INSYN1: variants seen among roughly 807,000 people sequenced by gnomAD.
INSYN1 encodes the protein UPF0583 protein C15orf59.
A neutral mutation model predicts 17.1 loss-of-function variants in INSYN1; 7 were observed. The ratio of observed to expected loss-of-function variants is 0.41; its 90% CI spans 0.23 to 0.77. INSYN1 has a LOEUF of 0.77. Ranked by LOEUF, INSYN1 falls within the 30% of genes least tolerant of loss-of-function variation. The pLI, the probability that INSYN1 is intolerant of heterozygous loss-of-function variation, is 0.32. For synonymous variants in INSYN1, 174 were observed against 166.3 expected (o/e 1.05, Z -0.36); for missense variants, 339 against 400.6 (o/e 0.85, Z 1.31).
chr15:73,748,697 C>G (rs568069709), intron 2 of INSYN1, among the ~76,000 whole-genome samples: 1 of 152,328 alleles, frequency 6.6e-6, no homozygotes, highest in South Asian at 2.1e-4. Context: ...TGGCACCCCC[C>G]CTTGGTAACC....
In INSYN1 at chr15:73,740,390, G is replaced by A; in HGVS notation, c.409C>T (p.Pro137Ser). The A allele has an allele frequency of 1.2e-6, 2 of 1,609,324 alleles. No individual in the cohort carries two copies. The highest frequency in any genetic ancestry group is 1.1e-5 in the South Asian group (1 of 90,502). ...CCACCATTCATGAGGCGGTAGTCAG[G>A]GCCAGCCCCTGGCCGAGTCGACTCG... Reference protein sequence around the residue: ...GPESTRPGAGPDYRLMNGGTP... With the variant: ...GPESTRPGAGSDYRLMNGGTP... Residue 137 changes from proline (P) to serine (S), a missense_variant, in exon 3 of 3, where the codon CCT becomes TCT. Coordinates refer to ENST00000569673, the MANE Select transcript of INSYN1 (RefSeq NM_001039614.3).
At chr15:73,746,316 G>C (rs1403287026) in intron 2 of INSYN1, among the ~76,000 whole-genome samples, 3 of 152,056 alleles carry the variant, frequency 2.0e-5, no homozygotes, top group African/African-American at 7.2e-5. Flanking sequence ...AAGGCAAAGG[G>C]AAAAGGGAGG....
chr15:73,740,692 A>G (rs11858458), intron 2 of INSYN1, 50 bp from the exon 3 acceptor site: 1,314,585 of 1,485,204 alleles, frequency 0.89, 583,492 homozygotes, highest in Middle Eastern at 0.92. Flanking sequence ...GGGTCCCTGC[A>G]TCAGCCAGGT....
At chr15:73,744,674 G>A (rs117231166) in intron 2 of INSYN1, among the ~76,000 whole-genome samples, 374 of 152,180 alleles carry the variant, frequency 2.5e-3, no homozygotes, top group Non-Finnish European at 3.6e-3. Flanking sequence ...TAATCATTTT[G>A]CCTACATGTA....
Position 73,740,614 on chromosome 15 carries a change from G to A in INSYN1, c.185C>T (p.Ser62Leu), listed in dbSNP as rs772632137. The change falls in exon 3 of 3, where the codon TCG becomes TTG. Residue 62 changes from serine (S) to leucine (L), a missense_variant. Coordinates refer to ENST00000569673, the MANE Select transcript of INSYN1 (RefSeq NM_001039614.3). Reference sequence around the variant, plus strand: ...CGGCTCCAGTTCAAAGTCGAAGTCCGAGGTTAGCTTATCGATCTGGCTCAC... The same window carrying A: ...CGGCTCCAGTTCAAAGTCGAAGTCCAAGGTTAGCTTATCGATCTGGCTCAC... ...EVVSQIDKLT[S>L]DFDFELEPDD... The A allele has an allele frequency of 8.1e-6, 13 of 1,612,430 alleles. No individual in the cohort carries two copies. Among genetic ancestry groups the A allele is most frequent in the Admixed American group, 3.3e-5 (2 of 59,898 alleles).
chr15:73,750,748 G>A (rs913227516), intron 2 of INSYN1, among the ~76,000 whole-genome samples: 3 of 152,166 alleles, frequency 2.0e-5, no homozygotes, highest in Admixed American at 6.5e-5. Flanking sequence ...CTGACATGCT[G>A]CTCAAGTAAC....
rs1902033960 is a variant in INSYN1 at position 73,753,012 on chromosome 15, T to G, written c.-1470A>C. 6.7e-6 allele frequency among the ~76,000 whole-genome samples: 1 copy of G among 149,066 alleles called. No individual in the cohort carries two copies. Among genetic ancestry groups the G allele is most frequent in the African/African-American group, 2.5e-5 (1 of 40,744 alleles). The stretch of plus-strand genomic sequence containing the variant: ...CGGGCCGGGCCGGGCCGGGGCGCAC[T>G]AGGCTCGCAGCCTCCGCTCGGCTCC... On this transcript the variant is annotated 5_prime_UTR_variant, in exon 1 of 3. Coordinates refer to ENST00000569673, the MANE Select transcript of INSYN1 (RefSeq NM_001039614.3). This position sits in a 1 kb window ranked among gnomAD's most constrained non-coding sequence, Gnocchi z 4.2.
Position 73,736,445 on chromosome 15 carries a change from C to T in INSYN1, c.*3472G>A, listed in dbSNP as rs145364748. The T allele has an allele frequency of 3.9e-5, 6 of 152,260 alleles. No homozygotes were observed. Among genetic ancestry groups the T allele is most frequent in the African/African-American group, 1.2e-4 (5 of 41,532 alleles). The allele number at this position is 152,260 out of a possible 1,614,324, so 9.4% of individuals were successfully genotyped here. On this transcript the variant is annotated 3_prime_UTR_variant, in exon 3 of 3. Transcript: ENST00000569673. The stretch of plus-strand genomic sequence containing the variant: ...ATCTCTAAGAAAATACAAAAATTAA[C>T]CCGGGCATGATGGTGGGTGCCTGTA...
intron 2 of INSYN1, among the ~76,000 whole-genome samples, chr15:73,748,323 A>G (rs1901891260): frequency 6.6e-6 from 1 of 152,096 alleles, no homozygotes; most frequent in Admixed American, 6.5e-5. Flanking sequence ...AAGATGGCTG[A>G]GGGGAATAAA....
chr15:73,740,460 G>A lies in INSYN1; in HGVS notation c.339C>T (p.Cys113=). ...AGGGGGTAGAGACGTCCAGGAAGGA[G>A]CAGAACTCCCAGCTGTCTGAGAGGA... ...ADILSDSWEF[C]SFLDVSTPSD... is the part of the protein sequence containing the mutation. Residue 113 remains cysteine (C), a synonymous_variant, in exon 3 of 3, where the codon TGC becomes TGT. Transcript: ENST00000569673. 6.2e-7 allele frequency: 1 copy of A among 1,613,978 alleles called. No homozygotes were observed. Among genetic ancestry groups the A allele is most frequent in the Non-Finnish European group, 8.5e-7 (1 of 1,180,046 alleles).
chr15:73,753,001 C>T lies in INSYN1; in HGVS notation c.-1459G>A, dbSNP rs1347528512. Among the ~76,000 whole-genome samples the T allele has an allele frequency of 8.0e-5, 12 of 149,870 alleles. No homozygotes were observed. In the South Asian group the frequency reaches 2.1e-3, roughly 26 times the overall value. ...GGGGCGAGCGGCGGGCCGGGCCGGG[C>T]CGGGGCGCACTAGGCTCGCAGCCTC... On this transcript the variant is annotated 5_prime_UTR_variant, in exon 1 of 3. Transcript: ENST00000569673. The surrounding 1 kb of genome is among the most constrained non-coding windows in gnomAD (Gnocchi z 4.2).
rs1902028863 is a variant in INSYN1, at chr15:73,752,909, G to A, written c.-1367C>T. ...CGGGCGCAGGCGGGAGCAGCGCCGG[G>A]CGGAGGAGAGGAGAGGAGGCGAGAA... On this transcript the variant is annotated 5_prime_UTR_variant, in exon 1 of 3. Transcript: ENST00000569673. The surrounding 1 kb of genome is among the most constrained non-coding windows in gnomAD (Gnocchi z 5.2). 6.6e-6 allele frequency among the ~76,000 whole-genome samples: 1 copy of A among 150,532 alleles called. No homozygotes were observed. The highest frequency in any genetic ancestry group is 1.5e-5 in the Non-Finnish European group (1 of 67,372).
rs1901615248 is a variant in INSYN1, at chr15:73,739,451, T to G, written c.*466A>C. 1 of 152,288 alleles carries G rather than the reference T, an allele frequency of 6.6e-6. No homozygotes were observed. The highest frequency in any genetic ancestry group is 2.4e-5 in the African/African-American group (1 of 41,448). The allele number at this position is 152,288 out of a possible 1,614,324, so 9.4% of individuals were successfully genotyped here. On this transcript the variant is annotated 3_prime_UTR_variant, in exon 3 of 3. Coordinates refer to ENST00000569673, the MANE Select transcript of INSYN1 (RefSeq NM_001039614.3). ...CAAGTGACGCAGGGCCTGGCCAGAC[T>G]GATGCCACCCCCAGGCCCTGAGTCC...
intron 2 of INSYN1, among the ~76,000 whole-genome samples, chr15:73,746,075 A>C (rs950450590): frequency 6.7e-6 from 1 of 149,012 alleles, no homozygotes; most frequent in Non-Finnish European, 1.5e-5. Context: ...TCCCCTGACA[A>C]GCTGCCACCT....
rs1351824763 is a variant in INSYN1, at chr15:73,737,392, G to T, written c.*2525C>A. The T allele has an allele frequency of 1.3e-5, 2 of 152,302 alleles. No individual in the cohort carries two copies. Among genetic ancestry groups the T allele is most frequent in the Admixed American group, 1.3e-4 (2 of 15,284 alleles). The allele number at this position is 152,302 out of a possible 1,614,324, so 9.4% of individuals were successfully genotyped here. A position where few individuals can be genotyped will look rare whatever the true frequency, so the allele number is the denominator to read the frequency against. ...GCCCCCTTCTCACTCTCAGGGTGGG[G>T]CGGAATGCAGCTGGCCCCTCTCCCC... On this transcript the variant is annotated 3_prime_UTR_variant, in exon 3 of 3. Coordinates refer to ENST00000569673, the MANE Select transcript of INSYN1 (RefSeq NM_001039614.3).
rs1232596593 is a variant in INSYN1, at chr15:73,738,564, T to G, written c.*1353A>C. ...TAGGCGTGGTGACGCATGCCTGTAG[T>G]CCCAGTTGCTCTGGAGGCTGAAGTG... On this transcript the variant is annotated 3_prime_UTR_variant, in exon 3 of 3. Transcript: ENST00000569673. 1 of 152,206 alleles carries G rather than the reference T, an allele frequency of 6.6e-6. No homozygotes were observed. The highest frequency in any genetic ancestry group is 1.5e-5 in the Non-Finnish European group (1 of 68,062). 9.4% of individuals were successfully genotyped at this position (152,206 alleles called of 1,614,324 possible).
Position 73,736,681 on chromosome 15 carries a change from A to G in INSYN1, c.*3236T>C, listed in dbSNP as rs11630531. On this transcript the variant is annotated 3_prime_UTR_variant, in exon 3 of 3. Transcript: ENST00000569673. ...CGAGGCCAAGGTGGGCAGATCACAA[A>G]GTCAAGAGATCAAGACCATCCTGGC... 0.89 allele frequency: 134,949 copies of G among 152,250 alleles called. 60,565 individuals carry two copies. The highest frequency in any genetic ancestry group is 0.97 in the Non-Finnish European group (65,704 of 68,066). 9.4% of individuals were successfully genotyped at this position (152,250 alleles called of 1,614,324 possible).
chr15:73,749,285 C>T (rs779547246), intron 2 of INSYN1, among the ~76,000 whole-genome samples: 5 of 152,174 alleles, frequency 3.3e-5, no homozygotes, highest in Non-Finnish European at 7.3e-5. Flanking sequence ...GGCTGTGTAA[C>T]CTTGGACAAG....
At position 73,737,983 on chromosome 15, in the gene INSYN1, G is replaced by A. The variant is rs1406683903; in HGVS notation, c.*1934C>T. The A allele has an allele frequency of 6.6e-6, 1 of 152,310 alleles. No homozygotes were observed. The highest frequency in any genetic ancestry group is 2.4e-5 in the African/African-American group (1 of 41,460). The allele number at this position is 152,310 out of a possible 1,614,324, so 9.4% of individuals were successfully genotyped here. ...ACCTCGAGCTACTGCGAGGGACCAA[G>A]CAATGGAGTGTTTGTGACCCAGGGG... On this transcript the variant is annotated 3_prime_UTR_variant, in exon 3 of 3. Transcript: ENST00000569673.
Sources: allele counts gnomAD v4.1 joint callset (sites outside exome capture counted in the v4.1 genomes callset), GRCh38; gene constraint gnomAD v4.1.1; non-coding constraint Gnocchi (gnomAD v3.1); transcripts MANE v1.5; gene names NCBI Gene and HGNC (gene_info 2026-07-23, HGNC 2026-07-21).